The following TENM1 variants were observed in gnomAD, a reference collection of about 807,000 sequenced individuals.
TENM1 encodes teneurin transmembrane protein 1, also known as teneurin-1.
Under a neutral mutation model 174.8 loss-of-function variants are expected in TENM1, and 35 were observed. That is an observed-to-expected ratio of 0.20 (90% CI 0.15 to 0.27). The LOEUF (loss-of-function observed/expected upper bound fraction) is 0.27. Among genes scored for constraint, TENM1 ranks in the 10% least tolerant of loss-of-function variants. The pLI, the probability that TENM1 is intolerant of heterozygous loss-of-function variation, is 1.00. For missense variants in TENM1, 1,633 were observed against 2,130.1 expected, an observed-to-expected ratio of 0.77 and a Z score of 4.59; for synonymous variants, 781 against 798.7, an observed-to-expected ratio of 0.98 and a Z score of 0.37.
At chrX:124,906,747 T>C (rs926809206) in intron 1 of TENM1, among the ~76,000 whole-genome samples, 2 of 111,938 alleles carry the variant, frequency 1.8e-5, no homozygotes, top group Non-Finnish European at 3.8e-5. Context: ...AATGATCTAT[T>C]AATATAAATA....
the TENM1 span, among the ~76,000 whole-genome samples, chrX:125,019,999 G>A: frequency 3.6e-5 from 4 of 110,617 alleles, no homozygotes. Flanking sequence ...CTGCCTCCAC[G>A]TTAGAGTTAA....
chrX:124,970,152 T>C, the TENM1 span, among the ~76,000 whole-genome samples: 1 of 111,605 alleles, frequency 9.0e-6, no homozygotes, highest in African/African-American at 3.3e-5. Flanking sequence ...TCCTTTTATT[T>C]TCTTTCCGTT....
intron 6 of TENM1, among the ~76,000 whole-genome samples, chrX:124,668,748 T>C (rs900262680): frequency 3.6e-5 from 4 of 110,860 alleles, no homozygotes; most frequent in Non-Finnish European, 7.6e-5. Flanking sequence ...TACCTAATGT[T>C]AAATGACGAG....
At chrX:124,813,901 T>C (rs950515954) in intron 3 of TENM1, among the ~76,000 whole-genome samples, 1 of 111,368 alleles carries the variant, frequency 9.0e-6, no homozygotes, top group African/African-American at 3.3e-5. Context: ...CAGAATAATT[T>C]CTACCACGTG....
chrX:124,886,367 A>G (rs1166048560), intron 3 of TENM1, among the ~76,000 whole-genome samples: 1 of 109,940 alleles, frequency 9.1e-6, no homozygotes, highest in East Asian at 2.8e-4. Context: ...ATGTAAATAT[A>G]TCCATATGTA....
At chrX:125,135,164 TG>T in the TENM1 span, among the ~76,000 whole-genome samples, 28 of 97,070 alleles carry the variant, frequency 2.9e-4, no homozygotes, top group African/African-American at 9.6e-4. Flanking sequence ...GGTTGCAAAA[TG>T]TTTTTTTATC....
At chrX:125,009,097 GTTT>G in the TENM1 span, among the ~76,000 whole-genome samples, 2 of 74,101 alleles carry the variant, frequency 2.7e-5, no homozygotes, top group African/African-American at 1.0e-4. Context: ...TCCAGGAGCT[GTTT>G]TTTTTTTTTT....
At chrX:124,870,290 G>A (rs2057086514) in intron 3 of TENM1, among the ~76,000 whole-genome samples, 1 of 111,707 alleles carries the variant, frequency 9.0e-6, no homozygotes, top group African/African-American at 3.3e-5. Context: ...CTATTCTAGG[G>A]CCTTTAAGGA....
chrX:125,035,844 G>A, the TENM1 span, among the ~76,000 whole-genome samples: 1 of 110,566 alleles, frequency 9.0e-6, no homozygotes, highest in African/African-American at 3.3e-5. Flanking sequence ...AAGGTCTCAG[G>A]GCCTATCCCT....
intron 18 of TENM1, among the ~76,000 whole-genome samples, chrX:124,507,243 G>A (rs773447070): frequency 1.8e-3 from 206 of 111,553 alleles, no homozygotes; most frequent in Admixed American, 3.1e-3. Context: ...GTTCGTGCTG[G>A]TGTGCATATA....
In TENM1 at chrX:124,918,705, A is replaced by G. The variant is rs150993965; in HGVS notation, c.218-22464T>C. 9.1e-3 allele frequency among the ~76,000 whole-genome samples: 1,019 copies of G among 112,139 alleles called. 15 individuals are homozygous for G. Among genetic ancestry groups the G allele is most frequent in the African/African-American group, 0.031 (969 of 30,854 alleles). On this transcript the variant is annotated intron_variant, in intron 1 of 31. Transcript: ENST00000422452. ...ATTAAGAAAGTGCCTACTTTGTGCC[A>G]GACACTGTGCGAAGACCTATCCATA...
At chrX:124,993,583 G>A in the TENM1 span, among the ~76,000 whole-genome samples, 1 of 110,052 alleles carries the variant, frequency 9.1e-6, no homozygotes, top group African/African-American at 3.3e-5. Flanking sequence ...AGTGCTATAG[G>A]CAAAATATAT....
exon 4 of TENM1, chrX:124,737,074 G>A: frequency 8.3e-7 from 1 of 1,211,445 alleles, no homozygotes; most frequent in Admixed American, 2.2e-5. Flanking sequence ...GGTAGTCATT[G>A]ATCTCCTCTG....
At chrX:124,831,692 A>G (rs899397783) in intron 3 of TENM1, among the ~76,000 whole-genome samples, 17 of 112,312 alleles carry the variant, frequency 1.5e-4, no homozygotes, top group Non-Finnish European at 2.8e-4. Flanking sequence ...CCTGAGAACT[A>G]ATAACGTAAC....
At chrX:124,600,038 G>GTA (rs1282615731) in intron 11 of TENM1, among the ~76,000 whole-genome samples, 5 of 109,961 alleles carry the variant, frequency 4.5e-5, no homozygotes, top group African/African-American at 1.7e-4. Flanking sequence ...GTGTGTGTGT[G>GTA]TGTATATATA....
chrX:124,681,851 A>G (rs1463616291), intron 5 of TENM1, among the ~76,000 whole-genome samples: 1 of 112,035 alleles, frequency 8.9e-6, no homozygotes, highest in Non-Finnish European at 1.9e-5. Context: ...CTAAATGCCC[A>G]ATAAAGGTTA....
intron 27 of TENM1, among the ~76,000 whole-genome samples, 171 bp from the exon 31 acceptor site, chrX:124,392,519 T>C (rs771667978): frequency 5.7e-4 from 64 of 111,828 alleles, no homozygotes; most frequent in Non-Finnish European, 1.0e-3. Context: ...CTCTACCACA[T>C]TGTACACTCT....
chrX:125,164,593 G>GGCAGAGCACCTA, the TENM1 span, among the ~76,000 whole-genome samples: 1 of 111,868 alleles, frequency 8.9e-6, no homozygotes, highest in South Asian at 3.7e-4. Context: ...CTTTGCACCT[G>GGCAGAGCACCTA]GCAGAGCACC....
At chrX:124,823,186 T>C (rs1425250644) in intron 3 of TENM1, among the ~76,000 whole-genome samples, 1 of 112,124 alleles carries the variant, frequency 8.9e-6, no homozygotes, top group East Asian at 2.8e-4. Flanking sequence ...TCCTATAATA[T>C]GGTAGACATC....
Sources: gnomAD v4.1 joint callset for allele counts (sites outside exome capture counted in the v4.1 genomes callset) on GRCh38, gnomAD v4.1.1 for gene constraint, MANE v1.5 for transcripts, NCBI Gene and HGNC (gene_info 2026-07-23, HGNC 2026-07-21) for gene names.